The following C6 variants were observed in gnomAD, a reference collection of about 807,000 sequenced individuals.
C6 encodes complement C6, also known as complement component C6.
Under a neutral mutation model 112.9 loss-of-function variants are expected in C6, and 101 were observed. The ratio of observed to expected loss-of-function variants is 0.89; its 90% CI spans 0.76 to 1.06. The LOEUF (loss-of-function observed/expected upper bound fraction) is 1.06. Ranked by LOEUF, C6 falls within the 50% of genes least tolerant of loss-of-function variation. The pLI is 0.00. For synonymous variants in C6, 431 were observed against 384.1 expected (o/e 1.12, Z -1.43); for missense variants, 1,202 against 1,104.6 (o/e 1.09, Z -1.25).
At chr5:41,227,747 T>G (rs546372767) in intron 1 of C6, among the ~76,000 whole-genome samples, 234 of 152,306 alleles carry the variant, frequency 1.5e-3, no homozygotes, top group African/African-American at 5.5e-3. Context: ...CATTGTGTGA[T>G]CTTGGCATCT....
At chr5:41,183,917 G>T (rs1473430226) in intron 6 of C6, among the ~76,000 whole-genome samples, 1 of 150,978 alleles carries the variant, frequency 6.6e-6, no homozygotes, top group Non-Finnish European at 1.5e-5. Flanking sequence ...TTATAAGTGA[G>T]AGCTAAACAT....
In C6 at chr5:41,172,270, C is replaced by T; in HGVS notation, c.1246G>A (p.Val416Met). 6.2e-7 allele frequency: 1 copy of T among 1,613,700 alleles called. No homozygotes were observed. Among genetic ancestry groups the T allele is most frequent in the African/African-American group, 1.3e-5 (1 of 75,022 alleles). Residue 416 changes from valine (V) to methionine (M), a missense_variant, in exon 9 of 18, where the codon GTG becomes ATG. Val to Met is a conservative substitution (Grantham distance 21, BLOSUM62 1). Transcript: ENST00000337836. ...TTGTTGGTGGTGCACCTATGTTCCA[C>T]TTTTGTTTTCTTAGCAAATAAAACG... ...KRVLFAKKTK[V>M]EHRCTTNKLS...
At chr5:41,244,651 A>G (rs1740915289) in intron 1 of C6, among the ~76,000 whole-genome samples, 1 of 152,162 alleles carries the variant, frequency 6.6e-6, no homozygotes, top group African/African-American at 2.4e-5. Context: ...TCCCCCTTGG[A>G]AATTGTTCTT....
upstream of C6, among the ~76,000 whole-genome samples, chr5:41,216,304 A>G (rs140005438): frequency 1.8e-3 from 272 of 152,286 alleles, 1 homozygote; most frequent in Non-Finnish European, 2.6e-3. Flanking sequence ...GCCAAACTGA[A>G]TGACCTCTTC....
chr5:41,146,879 G>GA (rs556394168), intron 17 of C6, among the ~76,000 whole-genome samples: 122 of 149,542 alleles, frequency 8.2e-4, no homozygotes, highest in African/African-American at 2.8e-3. Context: ...AGGCAGATTT[G>GA]AAAAAAAATT....
At chr5:41,160,033 A>G in intron 11 of C6, 109 bp downstream of exon 11, 2 of 846,206 alleles carry the variant, frequency 2.4e-6, no homozygotes, top group Non-Finnish European at 4.0e-6. Flanking sequence ...CTGAGCCTGT[A>G]CAAGGTGGAG....
At position 41,153,812 on chromosome 5, in the gene C6, T is replaced by C. The variant is rs76553178; in HGVS notation, c.2288A>G (p.Lys763Arg). The change falls in exon 15 of 18, where the codon AAA becomes AGA. Residue 763 changes from lysine (K) to arginine (R), a missense_variant and splice_region_variant. Physicochemically the swap from Lys to Arg is conservative, Grantham distance 26. Coordinates refer to ENST00000337836, the MANE Select transcript of C6 (RefSeq NM_000065.5). ...CAGAACACTGAGCTGCTACTCACCT[T>C]TTTCACAGGTGAGAGAGTTTGAAAT... ...PPISNSLTCE[K>R]DTLTKLKGHC... 7.3e-4 allele frequency: 1,171 copies of C among 1,610,286 alleles called. 11 individuals are homozygous for C. In the African/African-American group the frequency reaches 0.014, roughly 19 times the overall value.
intron 15 of C6, among the ~76,000 whole-genome samples, chr5:41,151,004 G>A (rs993169802): frequency 6.6e-6 from 1 of 152,114 alleles, no homozygotes; most frequent in African/African-American, 2.4e-5. Flanking sequence ...GTAGGTGTCT[G>A]GTAGGCTGTG....
intron 4 of C6, among the ~76,000 whole-genome samples, chr5:41,196,428 T>C (rs1750625829): frequency 6.6e-6 from 1 of 151,944 alleles, no homozygotes; most frequent in African/African-American, 2.4e-5. Context: ...GATTCCTTTA[T>C]ATGATGTCCA....
intron 1 of C6, among the ~76,000 whole-genome samples, chr5:41,239,702 T>C (rs1009749527): frequency 1.3e-5 from 2 of 152,054 alleles, no homozygotes; most frequent in Non-Finnish European, 2.9e-5. Context: ...CACATATCAG[T>C]AAGTTTTATT....
At chr5:41,150,842 G>C (rs1746320647) in intron 15 of C6, among the ~76,000 whole-genome samples, 1 of 148,314 alleles carries the variant, frequency 6.7e-6, no homozygotes, top group African/African-American at 2.5e-5. Flanking sequence ...AGCCGAGATT[G>C]TGCCACTGCA....
Position 41,236,941 on chromosome 5 carries a change from A to G in C6, c.-21+24253T>C, listed in dbSNP as rs562136893. 5.4e-3 allele frequency among the ~76,000 whole-genome samples: 816 copies of G among 151,420 alleles called. 5 individuals carry two copies. Among genetic ancestry groups the G allele is most frequent in the African/African-American group, 0.019 (774 of 41,130 alleles). On this transcript the variant is annotated intron_variant, in intron 1 of 17. Coordinates refer to the C6 transcript ENST00000263413. ...ATACAAACTACCATCAGAGAATACT[A>G]CAAACACCTCTATGCAAATAAACTA...
chr5:41,194,539 T>G (rs1750459127), intron 5 of C6, among the ~76,000 whole-genome samples: 1 of 152,178 alleles, frequency 6.6e-6, no homozygotes, highest in Non-Finnish European at 1.5e-5. Context: ...TGTGGCTGTT[T>G]GTCTTTGGTG....
chr5:41,192,440 G>C (rs1750287337), intron 5 of C6, among the ~76,000 whole-genome samples: 1 of 152,150 alleles, frequency 6.6e-6, no homozygotes, highest in South Asian at 2.1e-4. Flanking sequence ...TTTTGGGATA[G>C]CTTGATAATA....
At chr5:41,168,573 A>G (rs1203967755) in intron 9 of C6, among the ~76,000 whole-genome samples, 5 of 152,088 alleles carry the variant, frequency 3.3e-5, no homozygotes, top group Non-Finnish European at 5.9e-5. Context: ...TTCACCTTAC[A>G]GTCTTTCTTT....
At chr5:41,201,805 T>A in intron 2 of C6, 91 bp from the exon 3 acceptor site, 1 of 1,216,404 alleles carries the variant, frequency 8.2e-7, no homozygotes, top group Non-Finnish European at 1.2e-6. Flanking sequence ...TTAACTACAA[T>A]AAATAGAAAA....
chr5:41,229,241 C>G (rs1161166901), intron 1 of C6, among the ~76,000 whole-genome samples: 1 of 149,690 alleles, frequency 6.7e-6, no homozygotes, highest in Non-Finnish European at 1.5e-5. Flanking sequence ...TTTAGTTTTT[C>G]TTTTTCTTGT....
intron 5 of C6, among the ~76,000 whole-genome samples, chr5:41,190,600 A>G (rs1750119688): frequency 1.3e-5 from 2 of 152,190 alleles, no homozygotes; most frequent in Non-Finnish European, 2.9e-5. Context: ...CTGTACAAAA[A>G]GCTTTTTAGT....
chr5:41,234,367 T>A (rs999522799), intron 1 of C6, among the ~76,000 whole-genome samples: 12 of 147,378 alleles, frequency 8.1e-5, no homozygotes, highest in Non-Finnish European at 1.6e-4. Context: ...GTTTTTTGTT[T>A]TTTTTTTTTG....
Sources: gnomAD v4.1 joint callset for allele counts (sites outside exome capture counted in the v4.1 genomes callset) on GRCh38, gnomAD v4.1.1 for gene constraint, MANE v1.5 for transcripts, NCBI Gene and HGNC (gene_info 2026-07-23, HGNC 2026-07-21) for gene names.